Variants in PCDHA8 observed in about 807,000 individuals in gnomAD.
The protein encoded by PCDHA8 is protocadherin alpha-8.
PCDHA8 carries 53 observed loss-of-function variants against 61.8 expected under a neutral mutation model. The ratio of observed to expected loss-of-function variants is 0.86; its 90% CI spans 0.69 to 1.08. The LOEUF (loss-of-function observed/expected upper bound fraction) is 1.08, where lower values mean the gene tolerates loss of function less well. Ranked by LOEUF, PCDHA8 falls within the 50% of genes least tolerant of loss-of-function variation. The probability of loss-of-function intolerance (pLI) is 0.00; values close to 1 mark genes in which losing one functional copy is unlikely to be tolerated. For missense variants in PCDHA8, 1,293 were observed against 1,245.0 expected, an observed-to-expected ratio of 1.04 and a Z score of -0.58; for synonymous variants, 618 against 556.6, an observed-to-expected ratio of 1.11 and a Z score of -1.55.
Position 140,842,984 on chromosome 5 carries a change from G to C in PCDHA8, c.1663G>C (p.Val555Leu). 1.3e-6 allele frequency: 2 copies of C among 1,595,034 alleles called. No individual in the cohort carries two copies. Residue 555 changes from valine to leucine, a missense_variant, in exon 1 of 4, where the codon GTG (valine) becomes CTG (leucine). Val to Leu is a conservative substitution (Grantham distance 32, BLOSUM62 1). Coordinates refer to ENST00000531613, the MANE Select transcript of PCDHA8 (RefSeq NM_018911.3). ...CAGCAACGTGACGCTGCAGGTGTTC[G>C]TGCTGGACGAGAATGACAACGCGCC... ...LGSNVTLQVF[V>L]LDENDNAPAL...
chr5:140,921,732 A>G lies in PCDHA8; in HGVS notation c.2395-57217A>G, dbSNP rs1345229893. 2.0e-5 allele frequency among the ~76,000 whole-genome samples: 3 copies of G among 152,206 alleles called. No individual in the cohort carries two copies. In the East Asian group the frequency reaches 5.8e-4, roughly 29 times the overall value. ...AAACACACGAATTACTCCCATAAAA[A>G]TTATAAGCATAACAGGACACTTCTT... is the stretch of plus-strand genomic sequence containing the variant. On this transcript the variant is annotated intron_variant, in intron 1 of 3. Coordinates refer to ENST00000531613, the MANE Select transcript of PCDHA8 (RefSeq NM_018911.3).
At chr5:140,858,372 C>T in intron 1 of PCDHA8, 1 of 1,587,864 alleles carries the variant, frequency 6.3e-7, no homozygotes, top group Non-Finnish European at 8.6e-7. Flanking sequence ...CCCAGCCTTC[C>T]ACCATGCCCA....
chr5:140,909,010 G>C (rs2074261521), intron 1 of PCDHA8, among the ~76,000 whole-genome samples: 1 of 152,120 alleles, frequency 6.6e-6, no homozygotes, highest in South Asian at 2.1e-4. Flanking sequence ...GAGGTAGAAG[G>C]TTCCTGAATT....
At chr5:140,953,135 G>C (rs1331167155) in intron 1 of PCDHA8, among the ~76,000 whole-genome samples, 2 of 152,126 alleles carry the variant, frequency 1.3e-5, no homozygotes, top group Non-Finnish European at 2.9e-5. Flanking sequence ...CCGTATCACT[G>C]TTATATTTCT....
At chr5:140,848,855 C>T (rs2150422696) in intron 1 of PCDHA8, 6 of 1,590,444 alleles carry the variant, frequency 3.8e-6, no homozygotes, top group Non-Finnish European at 5.2e-6. Context: ...TCCATGTGGA[C>T]GTGGAGGTGA....
intron 1 of PCDHA8, chr5:140,853,775 G>GT: frequency 1.0e-6 from 1 of 987,698 alleles, no homozygotes; most frequent in East Asian, 1.1e-4. Context: ...TCTGAAATGG[G>GT]TAGTAAGAGC....
At chr5:140,851,804 A>G (rs2042163205) in intron 1 of PCDHA8, 6 of 945,718 alleles carry the variant, frequency 6.3e-6, no homozygotes, top group Non-Finnish European at 7.7e-6. Context: ...TCTGTCAGTA[A>G]TCCATAAGAC....
At chr5:140,885,809 T>G (rs1208963596) in intron 1 of PCDHA8, among the ~76,000 whole-genome samples, 1 of 152,320 alleles carries the variant, frequency 6.6e-6, no homozygotes, top group African/African-American at 2.4e-5. Flanking sequence ...ATTTTGTTGA[T>G]TTGTATTTGA....
chr5:140,860,366 G>A (rs2046359217), intron 1 of PCDHA8: 1 of 152,102 alleles, frequency 6.6e-6, no homozygotes, highest in African/African-American at 2.4e-5. Flanking sequence ...GGATGACAAA[G>A]TGAGACCCTA....
At chr5:140,854,117 G>A (rs1311675249) in intron 1 of PCDHA8, 2 of 316,896 alleles carry the variant, frequency 6.3e-6, no homozygotes, top group African/African-American at 5.1e-5. Flanking sequence ...AACTGTGATG[G>A]CACAACTGCA....
intron 1 of PCDHA8, chr5:140,884,027 G>C (rs2059948411): frequency 6.2e-7 from 1 of 1,613,258 alleles, no homozygotes; most frequent in Admixed American, 1.7e-5. Context: ...GTCGGTGGGT[G>C]CAGGCCACGT....
intron 1 of PCDHA8, among the ~76,000 whole-genome samples, chr5:140,938,406 T>C (rs1283027205): frequency 6.6e-6 from 1 of 152,240 alleles, no homozygotes; most frequent in African/African-American, 2.4e-5. Flanking sequence ...ATTGTTTGAT[T>C]GGGTTTATTT....
chr5:140,993,033 T>C (rs1315226376), intron 3 of PCDHA8, among the ~76,000 whole-genome samples: 2 of 152,158 alleles, frequency 1.3e-5, no homozygotes, highest in African/African-American at 4.8e-5. Context: ...GTGGGCTCCG[T>C]GTGTCATCAA....
At chr5:140,872,497 C>T (rs1554166232) in intron 1 of PCDHA8, among the ~76,000 whole-genome samples, 1 of 152,150 alleles carries the variant, frequency 6.6e-6, no homozygotes, top group Non-Finnish European at 1.5e-5. Flanking sequence ...CCTAGTGGTG[C>T]ATGCCTGTAG....
intron 1 of PCDHA8, chr5:140,926,741 A>G (rs572260372): frequency 1.7e-6 from 2 of 1,192,504 alleles, no homozygotes; most frequent in South Asian, 2.4e-5. Flanking sequence ...GGGAGGCGCA[A>G]CGTCGGCGGT....
intron 1 of PCDHA8, chr5:140,852,674 C>G (rs1302085462): frequency 2.9e-5 from 28 of 966,250 alleles, no homozygotes; most frequent in African/African-American, 3.6e-5. Context: ...GCACAACTCA[C>G]CTTGAATATA....
At chr5:140,869,062 T>A (rs370962991) in intron 1 of PCDHA8, 2 of 1,558,588 alleles carry the variant, frequency 1.3e-6, no homozygotes, top group African/African-American at 2.7e-5. Context: ...TCTGGTACTG[T>A]AAGTGTAAAG....
chr5:140,877,076 T>G, intron 1 of PCDHA8: 1 of 1,613,022 alleles, frequency 6.2e-7, no homozygotes, highest in Non-Finnish European at 8.5e-7. Context: ...CAGTTCCAGG[T>G]GAGCGCGCGC....
In PCDHA8 at chr5:141,011,225, A is replaced by G. The variant is rs962544716; in HGVS notation, c.*1288A>G. ...ATACAGTGAGCAGATTTTTCAATCT[A>G]CTAATTCTGTGACTTGTCTTGGTGT... On this transcript the variant is annotated 3_prime_UTR_variant, in exon 4 of 4. Transcript: ENST00000531613. 6.5e-6 allele frequency: 1 copy of G among 153,740 alleles called. No homozygotes were observed. Among genetic ancestry groups the G allele is most frequent in the South Asian group, 2.1e-4 (1 of 4,826 alleles). The allele number at this position is 153,740 out of a possible 1,614,324, so 9.5% of individuals were successfully genotyped here.
Sources: gnomAD v4.1 joint callset for allele counts (sites outside exome capture counted in the v4.1 genomes callset) on GRCh38, gnomAD v4.1.1 for gene constraint, MANE v1.5 for transcripts, NCBI Gene and HGNC (gene_info 2026-07-23, HGNC 2026-07-21) for gene names.